CDK13: variants seen among roughly 807,000 people sequenced by gnomAD.
The protein encoded by CDK13 is cyclin-dependent kinase 13.
CDK13 carries 40 observed loss-of-function variants against 137.6 expected under a neutral mutation model. The observed-to-expected ratio is 0.29, with a 90% CI of 0.23 to 0.38. The LOEUF (loss-of-function observed/expected upper bound fraction) is 0.38. Among genes scored for constraint, CDK13 ranks in the 10% least tolerant of loss-of-function variants. The pLI is 1.00. For missense variants in CDK13, 1,704 were observed against 1,951.8 expected, an observed-to-expected ratio of 0.87 and a Z score of 2.39; for synonymous variants, 869 against 760.1, an observed-to-expected ratio of 1.14 and a Z score of -2.36.
At chr7:40,025,649 A>G (rs1161711688) in intron 5 of CDK13, among the ~76,000 whole-genome samples, 1 of 152,202 alleles carries the variant, frequency 6.6e-6, no homozygotes, top group African/African-American at 2.4e-5. Flanking sequence ...TTATTGAAGA[A>G]TTTTAAAACA....
intron 5 of CDK13, among the ~76,000 whole-genome samples, chr7:40,024,778 G>A (rs1232140615): frequency 4.1e-5 from 6 of 146,800 alleles, no homozygotes; most frequent in Admixed American, 7.1e-5. Flanking sequence ...ATTCCCCTGC[G>A]TCTACCTCCT....
chr7:40,036,452 A>G (rs994497745), intron 5 of CDK13, among the ~76,000 whole-genome samples: 1 of 152,024 alleles, frequency 6.6e-6, no homozygotes, highest in African/African-American at 2.4e-5. Flanking sequence ...GGTACCTGTA[A>G]TCCCAGCTAC....
chr7:40,030,678 T>C (rs1227700643), intron 5 of CDK13, among the ~76,000 whole-genome samples: 1 of 151,718 alleles, frequency 6.6e-6, no homozygotes, highest in Non-Finnish European at 1.5e-5. Flanking sequence ...GGATTACAGG[T>C]GTGAGTTACT....
chr7:40,031,812 AT>A (rs1785385563), intron 5 of CDK13, among the ~76,000 whole-genome samples: 1 of 134,460 alleles, frequency 7.4e-6, no homozygotes, highest in South Asian at 2.5e-4. Flanking sequence ...AGCTCGGCTA[AT>A]TTATTATTAT....
At chr7:40,059,389 TCG>T (rs1454260006) in intron 7 of CDK13, 1 of 152,640 alleles carries the variant, frequency 6.6e-6, no homozygotes, top group Non-Finnish European at 1.5e-5. Flanking sequence ...AGACAGAGTC[TCG>T]CTCTGTCACC....
chr7:40,055,606 T>C (rs1786000282), intron 7 of CDK13, among the ~76,000 whole-genome samples: 1 of 151,328 alleles, frequency 6.6e-6, no homozygotes, highest in Admixed American at 6.6e-5. Flanking sequence ...ACAGAGTCTT[T>C]CTTGCTCTGT....
rs373244300 is a variant in CDK13, at chr7:39,961,096, C to T, written c.1211+9244C>T. Among the ~76,000 whole-genome samples, 264 of 151,968 alleles carry T rather than the reference C, an allele frequency of 1.7e-3. 1 individual carries two copies. Among genetic ancestry groups the T allele is most frequent in the African/African-American group, 5.7e-3 (238 of 41,446 alleles). On this transcript the variant is annotated intron_variant, in intron 1 of 13. Transcript: ENST00000181839. ...CTCTTTGGCTGGGCACAGTGGCTCA[C>T]GCCTGTAATCCCAGCACTTTGGGAG...
At position 39,988,044 on chromosome 7, in the gene CDK13, A is replaced by T; in HGVS notation, c.1657A>T (p.Ile553Phe). 1.9e-6 allele frequency: 3 copies of T among 1,614,230 alleles called. No individual in the cohort carries two copies. Among genetic ancestry groups the T allele is most frequent in the Non-Finnish European group, 2.5e-6 (3 of 1,180,034 alleles). ...LQVTKVENNL[I>F]VDKATKKAVI... ...GGTAACGAAGGTGGAAAATAATTTG[A>T]TTGTAGATAAAGCCACCAAGAAAGC... The change falls in exon 2 of 14, where the codon ATT (isoleucine) becomes TTT (phenylalanine). Residue 553 changes from isoleucine to phenylalanine, a missense_variant. Physicochemically the swap from Ile to Phe is conservative, Grantham distance 21. Around this residue, in one of 5 missense-constraint regions of CDK13, gnomAD observed 1,051 missense variants for 931.0 expected, o/e 1.13. Coordinates refer to ENST00000181839, the MANE Select transcript of CDK13 (RefSeq NM_003718.5).
intron 3 of CDK13, chr7:39,998,709 C>G (rs1469363755): frequency 6.6e-6 from 1 of 152,048 alleles, no homozygotes; most frequent in African/African-American, 2.4e-5. Flanking sequence ...CTGTGATTTA[C>G]TATAATATTA....
At chr7:40,046,249 C>A (rs866466476) in intron 6 of CDK13, among the ~76,000 whole-genome samples, 1 of 151,972 alleles carries the variant, frequency 6.6e-6, no homozygotes, top group Non-Finnish European at 1.5e-5. Context: ...CATATACCCC[C>A]GAATCTAAAA....
rs71560152 is a variant in CDK13, at chr7:39,979,216, C to CTT, written c.1212-8368_1212-8367dup. On this transcript the variant is annotated intron_variant, in intron 1 of 13. Transcript: ENST00000181839. Reference sequence around the variant, plus strand: ...GTAGATTTTTTTCTTTCTTTTTTTTCTTTTTTTTTTTTTTTTGAGACAGAG... The same window carrying CTT: ...GTAGATTTTTTTCTTTCTTTTTTTTCTTTTTTTTTTTTTTTTTTGAGACAGAG... Among the ~76,000 whole-genome samples, 1,044 of 130,848 alleles carry CTT rather than the reference C, an allele frequency of 8.0e-3. 9 individuals carry two copies. The highest frequency in any genetic ancestry group is 0.01 in the African/African-American group (368 of 35,094). 85.8% of individuals were successfully genotyped at this position (130,848 alleles called of 152,430 possible). A position where few individuals can be genotyped will look rare whatever the true frequency, so the allele number is the denominator to read the frequency against.
chr7:39,981,082 G>A (rs186070921), intron 1 of CDK13, among the ~76,000 whole-genome samples: 7 of 152,242 alleles, frequency 4.6e-5, no homozygotes, highest in Non-Finnish European at 1.0e-4. Context: ...AACATTTTTA[G>A]AAAGAAAAAT....
chr7:40,083,307 CAAAAAAAA>C (rs143379108), intron 11 of CDK13, among the ~76,000 whole-genome samples: 1 of 79,906 alleles, frequency 1.3e-5, no homozygotes, highest in Admixed American at 1.3e-4. Context: ...CCTGTCTTTA[CAAAAAAAA>C]AAAAAAAAGA....
At position 39,987,819 on chromosome 7, in the gene CDK13, A is replaced by G. The variant is rs1465912848; in HGVS notation, c.1432A>G (p.Lys478Glu). The change falls in exon 2 of 14, where the codon AAG (lysine) becomes GAG (glutamate). Residue 478 changes from lysine to glutamate, a missense_variant. Coordinates refer to ENST00000181839, the MANE Select transcript of CDK13 (RefSeq NM_003718.5). ...AEAAKAAEAT[K>E]AAEAAAKAAK... Reference sequence around the variant, plus strand: ...AGCAGCGAAAGCTGCAGAAGCAACTAAGGCTGCTGAGGCTGCTGCCAAGGC... The same window carrying G: ...AGCAGCGAAAGCTGCAGAAGCAACTGAGGCTGCTGAGGCTGCTGCCAAGGC... The G allele has an allele frequency of 6.2e-7, 1 of 1,614,064 alleles. No individual in the cohort carries two copies. Among genetic ancestry groups the G allele is most frequent in the Admixed American group, 1.7e-5 (1 of 59,976 alleles).
At chr7:40,066,399 C>T (rs1786279842) in intron 9 of CDK13, among the ~76,000 whole-genome samples, 1 of 152,150 alleles carries the variant, frequency 6.6e-6, no homozygotes, top group Non-Finnish European at 1.5e-5. Flanking sequence ...GAAAAACTGG[C>T]TTGATAACAT....
At chr7:40,045,509 C>A (rs1489659612) in intron 5 of CDK13, among the ~76,000 whole-genome samples, 1 of 145,474 alleles carries the variant, frequency 6.9e-6, no homozygotes, top group Non-Finnish European at 1.5e-5. Flanking sequence ...TGACTTTATT[C>A]AGCTTCTAAG....
At chr7:40,019,628 G>A (rs1042237109) in intron 5 of CDK13, among the ~76,000 whole-genome samples, 13 of 152,030 alleles carry the variant, frequency 8.6e-5, no homozygotes, top group Admixed American at 7.2e-4. Flanking sequence ...AACGTTAATC[G>A]TATGTAAGAA....
At position 40,095,196 on chromosome 7, in the gene CDK13, CA is replaced by C. The variant is rs1242843767; in HGVS notation, c.*219del. On this transcript the variant is annotated 3_prime_UTR_variant, in exon 14 of 14. Coordinates refer to ENST00000181839, the MANE Select transcript of CDK13 (RefSeq NM_003718.5). ...AAACTAGATCGATTGTACATCTTCA[CA>C]AATTCTAGTTAACAATTTTATTTTG... is the stretch of plus-strand genomic sequence containing the variant. The C allele has an allele frequency of 5.6e-6, 2 of 357,352 alleles. No homozygotes were observed. Among genetic ancestry groups the C allele is most frequent in the Non-Finnish European group, 9.8e-6 (2 of 204,038 alleles). The allele number at this position is 357,352 out of a possible 1,614,324, so 22.1% of individuals were successfully genotyped here.
chr7:40,062,473 G>A (rs1372225852), intron 7 of CDK13: 1 of 186,270 alleles, frequency 5.4e-6, no homozygotes, highest in Non-Finnish European at 1.1e-5. Flanking sequence ...GTACAGATGG[G>A]GTTTCACCGT....
Sources: gnomAD v4.1 joint callset for allele counts (sites outside exome capture counted in the v4.1 genomes callset) on GRCh38, gnomAD v4.1.1 for gene constraint, gnomAD v4.1.1 regional missense constraint, MANE v1.5 for transcripts, NCBI Gene and HGNC (gene_info 2026-07-23, HGNC 2026-07-21) for gene names.